Variants in SLC4A10 observed in about 807,000 individuals in gnomAD.
SLC4A10 encodes the protein sodium-driven chloride bicarbonate exchanger.
SLC4A10 carries 42 observed loss-of-function variants against 137.7 expected under a neutral mutation model. The observed-to-expected ratio is 0.30, with a 90% CI of 0.24 to 0.39. The LOEUF is 0.39. Ranked by LOEUF, SLC4A10 falls within the 10% of genes least tolerant of loss-of-function variation. The pLI, the probability that SLC4A10 is intolerant of heterozygous loss-of-function variation, is 1.00. For synonymous variants in SLC4A10, 474 were observed against 464.1 expected (o/e 1.02, Z -0.27); for missense variants, 925 against 1,355.0 (o/e 0.68, Z 4.98).
intron 1 of SLC4A10, chr2:161,708,814 A>G: frequency 6.5e-7 from 1 of 1,532,524 alleles, no homozygotes; most frequent in East Asian, 2.4e-5. Context: ...AGCCTTTTCA[A>G]TCTCTAAGTC....
chr2:161,916,947 T>G (rs1489725666), intron 15 of SLC4A10, among the ~76,000 whole-genome samples: 2 of 152,216 alleles, frequency 1.3e-5, no homozygotes, highest in Non-Finnish European at 2.9e-5. Context: ...CACTTTGAAG[T>G]ATGCCCTTAA....
chr2:161,903,486 T>G (rs1316846106), intron 12 of SLC4A10, among the ~76,000 whole-genome samples: 1 of 152,190 alleles, frequency 6.6e-6, no homozygotes, highest in Admixed American at 6.5e-5. Flanking sequence ...GTTTGTTTGT[T>G]TTTTGGCCGA....
At chr2:161,691,462 A>G (rs1472709029) in intron 1 of SLC4A10, among the ~76,000 whole-genome samples, 1 of 152,046 alleles carries the variant, frequency 6.6e-6, no homozygotes. Flanking sequence ...TAACTAGAAG[A>G]GTATAACTGG....
At chr2:161,814,990 A>G (rs2056910028) in intron 3 of SLC4A10, among the ~76,000 whole-genome samples, 1 of 152,164 alleles carries the variant, frequency 6.6e-6, no homozygotes, top group Non-Finnish European at 1.5e-5. Context: ...TAGCTTTTAA[A>G]AGTTATTTAA....
chr2:161,889,762 T>G (rs2062719574), intron 10 of SLC4A10, among the ~76,000 whole-genome samples: 1 of 152,074 alleles, frequency 6.6e-6, no homozygotes, highest in South Asian at 2.1e-4. Context: ...TTTTGAAGGG[T>G]TTTTGTGTGT....
intron 3 of SLC4A10, among the ~76,000 whole-genome samples, chr2:161,805,471 C>T (rs1226972694): frequency 6.6e-6 from 1 of 152,128 alleles, no homozygotes; most frequent in Non-Finnish European, 1.5e-5. Context: ...AAGGCAAGTC[C>T]CTTCCACCTG....
chr2:161,712,665 T>A (rs936366169), intron 1 of SLC4A10, among the ~76,000 whole-genome samples: 4 of 151,878 alleles, frequency 2.6e-5, no homozygotes, highest in Non-Finnish European at 5.9e-5. Flanking sequence ...GGTGATTATT[T>A]AATGTAAAAA....
At chr2:161,950,404 C>T (rs748397536) in intron 18 of SLC4A10, among the ~76,000 whole-genome samples, 10 of 151,998 alleles carry the variant, frequency 6.6e-5, no homozygotes, top group African/African-American at 1.7e-4. Flanking sequence ...ATCTCTACCA[C>T]GTACTAGCTT....
At position 161,949,150 on chromosome 2, in the gene SLC4A10, T is replaced by C. The variant is rs1694347129; in HGVS notation, c.2268T>C (p.Val756=). The stretch of plus-strand genomic sequence containing the variant: ...ACAAGTGTTTTCATTATTTTTAGGT[T>C]CGATCCATAGTGAGTGACTTTGCTG... ...FKTSRYFPTK[V]RSIVSDFAVF... Residue 756 remains valine, a splice_region_variant and synonymous_variant, in exon 18 of 27, where the codon GTT becomes GTC. Transcript: ENST00000446997. 6.2e-7 allele frequency: 1 copy of C among 1,603,952 alleles called. No individual in the cohort carries two copies. Among genetic ancestry groups the C allele is most frequent in the African/African-American group, 1.3e-5 (1 of 74,542 alleles).
intron 4 of SLC4A10, 34 bp downstream of exon 4, chr2:161,839,961 A>G: frequency 6.2e-7 from 1 of 1,608,592 alleles, no homozygotes; most frequent in Non-Finnish European, 8.5e-7. Flanking sequence ...AAGGTATACT[A>G]AAGAATTTTC....
intron 12 of SLC4A10, 114 bp from the exon 13 acceptor site, chr2:161,903,890 C>A: frequency 1.9e-6 from 2 of 1,038,432 alleles, no homozygotes; most frequent in South Asian, 1.7e-5. Flanking sequence ...ATGTGTGTCT[C>A]ACCTCTGCTG....
At chr2:161,852,225 T>C (rs2059874098) in intron 4 of SLC4A10, among the ~76,000 whole-genome samples, 1 of 152,190 alleles carries the variant, frequency 6.6e-6, no homozygotes, top group African/African-American at 2.4e-5. Flanking sequence ...TTAAATAGCA[T>C]TACACCCTTT....
chr2:161,632,811 G>C (rs1264817721), intron 1 of SLC4A10, among the ~76,000 whole-genome samples: 1 of 151,378 alleles, frequency 6.6e-6, no homozygotes, highest in Non-Finnish European at 1.5e-5. Flanking sequence ...GAGAATTTTT[G>C]CCTTAAATAT....
chr2:161,705,855 T>C (rs920535618), intron 1 of SLC4A10, among the ~76,000 whole-genome samples: 2 of 151,524 alleles, frequency 1.3e-5, no homozygotes, highest in Non-Finnish European at 3.0e-5. Context: ...TTCTGCTAGG[T>C]TTTGGCTACT....
At chr2:161,738,984 C>A (rs1473506538) in intron 1 of SLC4A10, among the ~76,000 whole-genome samples, 2 of 152,178 alleles carry the variant, frequency 1.3e-5, no homozygotes, top group African/African-American at 4.8e-5. Flanking sequence ...ATAAACCCAC[C>A]TCTATCAGGC....
chr2:161,980,322 C>T (rs569419598), intron 26 of SLC4A10, among the ~76,000 whole-genome samples: 35 of 151,954 alleles, frequency 2.3e-4, no homozygotes, highest in Non-Finnish European at 4.7e-4. Flanking sequence ...TAGGCTTAGG[C>T]TCTCTCATGA....
chr2:161,650,986 A>G (rs2105581899), intron 1 of SLC4A10: 1 of 152,504 alleles, frequency 6.6e-6, no homozygotes, highest in South Asian at 2.1e-4. Context: ...TGGGGGCTGT[A>G]CTGTCTGTTT....
At chr2:161,732,719 G>A (rs2046941155) in intron 1 of SLC4A10, among the ~76,000 whole-genome samples, 1 of 152,186 alleles carries the variant, frequency 6.6e-6, no homozygotes, top group Admixed American at 6.5e-5. Flanking sequence ...GAAGAAGACA[G>A]GAAAATGTGG....
intron 1 of SLC4A10, among the ~76,000 whole-genome samples, chr2:161,645,382 C>CTA (rs1026848068): frequency 4.6e-5 from 7 of 151,360 alleles, no homozygotes; most frequent in Admixed American, 6.6e-5. Flanking sequence ...AGGGTTACAC[C>CTA]TATATATATA....
Sources: gnomAD v4.1 joint callset for allele counts (sites outside exome capture counted in the v4.1 genomes callset) on GRCh38, gnomAD v4.1.1 for gene constraint, MANE v1.5 for transcripts, NCBI Gene and HGNC (gene_info 2026-07-23, HGNC 2026-07-21) for gene names.